CSMD1: variants seen among roughly 807,000 people sequenced by gnomAD.
The protein encoded by CSMD1 is CUB and sushi domain-containing protein 1.
CSMD1 carries 213 observed loss-of-function variants against 417.5 expected under a neutral mutation model. The ratio of observed to expected loss-of-function variants is 0.51; its 90% CI spans 0.46 to 0.57. The LOEUF (loss-of-function observed/expected upper bound fraction) is 0.57, where lower values mean the gene tolerates loss of function less well. Ranked by LOEUF, CSMD1 falls within the 20% of genes least tolerant of loss-of-function variation. The probability of loss-of-function intolerance (pLI) is 0.00; values close to 1 mark genes in which losing one functional copy is unlikely to be tolerated. For synonymous variants in CSMD1, 2,862 were observed against 1,736.8 expected (o/e 1.65, Z -16.11); for missense variants, 6,923 against 4,529.7 (o/e 1.53, Z -15.17).
At chr8:3,878,490 A>G (rs1036370272) in intron 5 of CSMD1, among the ~76,000 whole-genome samples, 3 of 152,194 alleles carry the variant, frequency 2.0e-5, no homozygotes, top group African/African-American at 7.2e-5. Context: ...ACTAAGTAGA[A>G]CACAAGCTAG....
Position 3,081,496 on chromosome 8 carries a change from T to A in CSMD1, c.7474+5601A>T, listed in dbSNP as rs1293263869. Reference sequence around the variant, plus strand: ...TTTTACAGTTTTCAAATAAAAATTTTCAAATAAAATAATTAAATAACTATG... The same window carrying A: ...TTTTACAGTTTTCAAATAAAAATTTACAAATAAAATAATTAAATAACTATG... On this transcript the variant is annotated intron_variant, in intron 49 of 69. Transcript: ENST00000635120. Among the ~76,000 whole-genome samples the A allele has an allele frequency of 5.9e-5, 9 of 152,336 alleles. No individual in the cohort carries two copies. In the South Asian group the frequency reaches 1.7e-3, roughly 28 times the overall value.
chr8:3,763,677 A>G (rs1287777449), intron 5 of CSMD1, among the ~76,000 whole-genome samples: 1 of 152,200 alleles, frequency 6.6e-6, no homozygotes, highest in Non-Finnish European at 1.5e-5. Context: ...ACACTGACAC[A>G]AGTGCCTTTG....
chr8:2,941,633 TA>T (rs1801880739), intron 69 of CSMD1, among the ~76,000 whole-genome samples: 1 of 152,268 alleles, frequency 6.6e-6, no homozygotes, highest in South Asian at 2.1e-4. Flanking sequence ...TCTGGTTCAC[TA>T]AAGTTGTTTG....
intron 2 of CSMD1, among the ~76,000 whole-genome samples, chr8:4,497,002 G>A (rs986103523): frequency 1.3e-5 from 2 of 152,082 alleles, no homozygotes; most frequent in Non-Finnish European, 2.9e-5. Flanking sequence ...GGCTTGAAAA[G>A]AAACACTTAC....
At chr8:3,357,575 C>T (rs1045230014) in intron 21 of CSMD1, among the ~76,000 whole-genome samples, 13 of 152,262 alleles carry the variant, frequency 8.5e-5, no homozygotes, top group African/African-American at 3.1e-4. Flanking sequence ...AAGATAATGA[C>T]TCTGGATGAA....
At chr8:4,052,348 T>C (rs574555055) in intron 3 of CSMD1, among the ~76,000 whole-genome samples, 10 of 152,328 alleles carry the variant, frequency 6.6e-5, no homozygotes, top group African/African-American at 2.2e-4. Flanking sequence ...AGTATAATGA[T>C]AACACTCACG....
At chr8:3,240,758 G>T (rs1006851121) in intron 26 of CSMD1, among the ~76,000 whole-genome samples, 1 of 152,068 alleles carries the variant, frequency 6.6e-6, no homozygotes, top group Non-Finnish European at 1.5e-5. Flanking sequence ...AGAGTATATG[G>T]GTTTGGCACC....
intron 3 of CSMD1, among the ~76,000 whole-genome samples, chr8:4,404,458 C>T (rs983908926): frequency 2.0e-5 from 3 of 152,076 alleles, no homozygotes; most frequent in Non-Finnish European, 4.4e-5. Flanking sequence ...GTAATTTTTG[C>T]AAAGCCAAAC....
intron 26 of CSMD1, among the ~76,000 whole-genome samples, chr8:3,272,089 T>C (rs963468661): frequency 1.3e-5 from 2 of 148,702 alleles, no homozygotes; most frequent in African/African-American, 2.5e-5. Context: ...CTTTAATCCA[T>C]CTTGAATTGA....
At chr8:3,039,629 C>G (rs1275921215) in intron 50 of CSMD1, among the ~76,000 whole-genome samples, 1 of 152,006 alleles carries the variant, frequency 6.6e-6, no homozygotes, top group Non-Finnish European at 1.5e-5. Flanking sequence ...GCATTTTGCA[C>G]TTCTTGAGAT....
chr8:4,746,907 G>C (rs1488008393), intron 1 of CSMD1, among the ~76,000 whole-genome samples: 1 of 152,178 alleles, frequency 6.6e-6, no homozygotes, highest in Non-Finnish European at 1.5e-5. Flanking sequence ...TAAAAGAATT[G>C]TGGGACACTC....
At chr8:3,927,690 G>C (rs1413666118) in intron 5 of CSMD1, among the ~76,000 whole-genome samples, 2 of 151,814 alleles carry the variant, frequency 1.3e-5, no homozygotes, top group Admixed American at 1.3e-4. Flanking sequence ...GAAAAGAAAA[G>C]AAAACAATTA....
In CSMD1 at chr8:3,283,430, A is replaced by C. The variant is rs73171105; in HGVS notation, c.4153+714T>G. On this transcript the variant is annotated intron_variant, in intron 26 of 69. Coordinates refer to ENST00000635120, the MANE Select transcript of CSMD1 (RefSeq NM_033225.6). ...ATTTACTGACTAATTGAAACCTTTA[A>C]AGTCGTACGTTTTTTTTTTTATGTA... Among the ~76,000 whole-genome samples the C allele has an allele frequency of 5.3e-3, 812 of 152,284 alleles. 6 individuals carry two copies. The highest frequency in any genetic ancestry group is 0.031 in the Middle Eastern group (9 of 294).
At chr8:4,422,260 T>A (rs1282085904) in intron 2 of CSMD1, among the ~76,000 whole-genome samples, 2 of 152,168 alleles carry the variant, frequency 1.3e-5, no homozygotes, top group African/African-American at 2.4e-5. Context: ...AAAGTGTAAG[T>A]GGATAGAATG....
intron 5 of CSMD1, among the ~76,000 whole-genome samples, chr8:3,781,044 G>A (rs936529613): frequency 3.3e-5 from 5 of 152,138 alleles, no homozygotes; most frequent in Non-Finnish European, 7.3e-5. Context: ...TGAAATCTAA[G>A]CAAAGTAAAG....
chr8:4,972,356 G>C (rs1397691015), intron 1 of CSMD1, among the ~76,000 whole-genome samples: 1 of 152,094 alleles, frequency 6.6e-6, no homozygotes, highest in Non-Finnish European at 1.5e-5. Context: ...ACCGGGTGCA[G>C]GTAATTGAAT....
intron 7 of CSMD1, among the ~76,000 whole-genome samples, chr8:3,669,691 C>T (rs73658203): frequency 6.6e-5 from 10 of 152,114 alleles, no homozygotes; most frequent in African/African-American, 2.2e-4. Context: ...CTGTGTGAGG[C>T]GTTATGCTAG....
intron 9 of CSMD1, among the ~76,000 whole-genome samples, chr8:3,583,112 C>T (rs897706066): frequency 6.6e-6 from 1 of 152,138 alleles, no homozygotes; most frequent in Non-Finnish European, 1.5e-5. Flanking sequence ...GGCCTCATCC[C>T]TATCTTTCCT....
At chr8:4,545,004 A>G (rs948673819) in intron 2 of CSMD1, among the ~76,000 whole-genome samples, 1 of 152,208 alleles carries the variant, frequency 6.6e-6, no homozygotes, top group East Asian at 1.9e-4. Context: ...TTTACTCTAT[A>G]TTTATCACGC....
Sources: allele counts gnomAD v4.1 joint callset (sites outside exome capture counted in the v4.1 genomes callset), GRCh38; gene constraint gnomAD v4.1.1; transcripts MANE v1.5; gene names NCBI Gene and HGNC (gene_info 2026-07-23, HGNC 2026-07-21).